Variants in ZFAT observed in about 807,000 individuals in gnomAD.
ZFAT encodes zinc finger and AT-hook domain containing, also known as zinc finger protein ZFAT.
ZFAT carries 64 observed loss-of-function variants against 117.7 expected under a neutral mutation model. The ratio of observed to expected loss-of-function variants is 0.54; its 90% CI spans 0.44 to 0.67. The LOEUF (loss-of-function observed/expected upper bound fraction) is 0.67, where lower values mean the gene tolerates loss of function less well. Among genes scored for constraint, ZFAT ranks in the 30% least tolerant of loss-of-function variants. ZFAT has a pLI of 0.00. For synonymous variants in ZFAT, 679 were observed against 615.0 expected (o/e 1.10, Z -1.54); for missense variants, 1,433 against 1,584.5 (o/e 0.90, Z 1.62).
chr8:134,698,385 G>A lies in ZFAT; in HGVS notation c.19+14460C>T, dbSNP rs928987619. ...AAGGAGAAGGAGGCAAGGGAAGGCA[G>A]AAGAGATAGAGAGCATGCCCAGAAG... On this transcript the variant is annotated intron_variant, in intron 1 of 15. Transcript: ENST00000377838. Among the ~76,000 whole-genome samples the A allele has an allele frequency of 2.6e-5, 4 of 151,932 alleles. No homozygotes were observed. The South Asian group carries it at 6.2e-4, about 24-fold the overall frequency.
At chr8:134,657,505 A>C (rs1236563932) in intron 2 of ZFAT, 56 bp downstream of exon 2, 1 of 1,509,486 alleles carries the variant, frequency 6.6e-7, no homozygotes, top group African/African-American at 1.4e-5. Flanking sequence ...CACGGAGCAA[A>C]TCAACATCAA....
At chr8:134,540,184 A>G (rs2315833) in intron 11 of ZFAT, among the ~76,000 whole-genome samples, 131,766 of 152,168 alleles carry the variant, frequency 0.87, 57,497 homozygotes, top group East Asian at 0.98. Flanking sequence ...GGAACAGCAC[A>G]CTGGAATGCA....
At chr8:134,692,201 T>G (rs543511921) in intron 1 of ZFAT, among the ~76,000 whole-genome samples, 288 of 152,250 alleles carry the variant, frequency 1.9e-3, no homozygotes, top group African/African-American at 6.7e-3. Context: ...GGAAGAAAGA[T>G]CAGGCTCAGG....
chr8:134,670,898 C>G (rs1322114796), intron 1 of ZFAT, among the ~76,000 whole-genome samples: 1 of 152,014 alleles, frequency 6.6e-6, no homozygotes. Flanking sequence ...CAAATAGACA[C>G]AATAAAAAAT....
At chr8:134,662,730 A>G (rs528647646) in intron 1 of ZFAT, among the ~76,000 whole-genome samples, 1 of 152,356 alleles carries the variant, frequency 6.6e-6, no homozygotes, top group Non-Finnish European at 1.5e-5. Flanking sequence ...TCTATATTAA[A>G]ATTACAAAAT....
chr8:134,739,020 T>A, the ZFAT span, among the ~76,000 whole-genome samples: 1 of 152,122 alleles, frequency 6.6e-6, no homozygotes, highest in East Asian at 1.9e-4. Context: ...CAGGATGGCA[T>A]AGGACTCCAG....
rs1186225030 is a variant in ZFAT, at chr8:134,582,480, G to A, written c.2887+1352C>T. On this transcript the variant is annotated intron_variant, in intron 10 of 15. Transcript: ENST00000377838. ...TGCCTAAACGTTCAGGCAGCTGAGC[G>A]GTCAGTAAGGCTTATTGTTTGTGGA... 3.9e-5 allele frequency among the ~76,000 whole-genome samples: 6 copies of A among 152,324 alleles called. No individual in the cohort carries two copies. In the South Asian group the frequency reaches 8.3e-4, roughly 21 times the overall value.
the ZFAT span, among the ~76,000 whole-genome samples, chr8:134,804,307 C>G: frequency 1.3e-5 from 2 of 152,102 alleles, no homozygotes; most frequent in African/African-American, 4.8e-5. Context: ...TGTAAACAGG[C>G]TTAGTGGCTT....
chr8:134,813,603 CG>C, the ZFAT span, among the ~76,000 whole-genome samples: 1 of 152,050 alleles, frequency 6.6e-6, no homozygotes, highest in Non-Finnish European at 1.5e-5. Context: ...TTAGTAGAGA[CG>C]GGGTTTCACC....
At position 134,679,020 on chromosome 8, in the gene ZFAT, T is replaced by C. The variant is rs555510784; in HGVS notation, c.20-21283A>G. Among the ~76,000 whole-genome samples the C allele has an allele frequency of 7.2e-4, 109 of 152,210 alleles. 1 individual carries two copies. The highest frequency in any genetic ancestry group is 2.5e-3 in the African/African-American group (102 of 41,526). On this transcript the variant is annotated intron_variant, in intron 1 of 15. Transcript: ENST00000377838. The stretch of plus-strand genomic sequence containing the variant: ...AACCTAGGCAATACCATTCAGGACA[T>C]AGGCATAGCAAAGACTTCATGACTA...
the ZFAT span, among the ~76,000 whole-genome samples, chr8:134,798,574 T>C: frequency 6.6e-6 from 1 of 152,040 alleles, no homozygotes; most frequent in Non-Finnish European, 1.5e-5. Context: ...ACAAGAAAAA[T>C]ACTCAAATTT....
intron 1 of ZFAT, among the ~76,000 whole-genome samples, chr8:134,676,533 T>C (rs1429233879): frequency 1.3e-5 from 2 of 152,176 alleles, no homozygotes; most frequent in Non-Finnish European, 2.9e-5. Flanking sequence ...ATTAGACAGA[T>C]CAATGAGATG....
intron 14 of ZFAT, among the ~76,000 whole-genome samples, chr8:134,511,777 A>G (rs1427489432): frequency 6.6e-6 from 1 of 152,194 alleles, no homozygotes; most frequent in African/African-American, 2.4e-5. Context: ...AGGCTGGTAC[A>G]GTGGCTTGTT....
intron 15 of ZFAT, among the ~76,000 whole-genome samples, chr8:134,505,078 A>T (rs1586602007): frequency 6.6e-6 from 1 of 152,024 alleles, no homozygotes; most frequent in East Asian, 1.9e-4. Flanking sequence ...CATTTTCCAT[A>T]CCTCTTGACC....
chr8:134,620,636 G>A (rs936940496), intron 3 of ZFAT, among the ~76,000 whole-genome samples: 3 of 152,176 alleles, frequency 2.0e-5, no homozygotes, highest in Non-Finnish European at 2.9e-5. Context: ...TAATAAGCAC[G>A]GCTGCTAAAA....
the ZFAT span, chr8:134,794,672 A>G: frequency 6.6e-6 from 1 of 152,230 alleles, no homozygotes; most frequent in Non-Finnish European, 1.5e-5. Flanking sequence ...GTTTGAAGCT[A>G]AACAGTTGAA....
chr8:134,717,680 G>T (rs1226790395), upstream of ZFAT, among the ~76,000 whole-genome samples: 2 of 150,280 alleles, frequency 1.3e-5, no homozygotes, highest in African/African-American at 2.4e-5. Context: ...TAGAGACGGG[G>T]TTTCACCATG....
At chr8:134,564,401 A>C (rs1188084877) in intron 11 of ZFAT, among the ~76,000 whole-genome samples, 1 of 152,118 alleles carries the variant, frequency 6.6e-6, no homozygotes, top group Non-Finnish European at 1.5e-5. Context: ...TGCTTTAAAC[A>C]AATCACCCCA....
At chr8:134,648,145 A>G (rs1023429703) in intron 2 of ZFAT, among the ~76,000 whole-genome samples, 6 of 152,076 alleles carry the variant, frequency 3.9e-5, no homozygotes, top group Non-Finnish European at 8.8e-5. Flanking sequence ...TCATCACTGT[A>G]AACTTACACA....
Sources: allele counts gnomAD v4.1 joint callset (sites outside exome capture counted in the v4.1 genomes callset), GRCh38; gene constraint gnomAD v4.1.1; transcripts MANE v1.5; gene names NCBI Gene and HGNC (gene_info 2026-07-23, HGNC 2026-07-21).